DUX4: variants seen among roughly 807,000 people sequenced by gnomAD.
The protein encoded by DUX4 is double homeobox 4, also known as double homeobox protein 4.
chr4:190,177,163 A>ATAAATGTTACATCACCTGG (rs1742346232), downstream of DUX4, among the ~76,000 whole-genome samples: 13 of 113,630 alleles, frequency 1.1e-4, no homozygotes, highest in Non-Finnish European at 1.2e-4. Context: ...CATCACCTAG[A>ATAAATGTTACATCACCTGG]TGATCTGTGC....
downstream of DUX4, among the ~76,000 whole-genome samples, chr4:190,176,312 C>G (rs1213936558): frequency 2.6e-5 from 3 of 114,790 alleles, 1 homozygote; most frequent in African/African-American, 2.6e-5. Context: ...CCCCTGTAGG[C>G]AGAGCTTAGA....
At chr4:190,179,497 G>GAGAT (rs1742498283), downstream of DUX4, among the ~76,000 whole-genome samples, 26 of 121,076 alleles carry the variant, frequency 2.1e-4, no homozygotes, top group Admixed American at 3.2e-4. Context: ...GATCAGTGCA[G>GAGAT]AGATATGTCA....
chr4:190,176,127 C>T (rs1742293181), downstream of DUX4, among the ~76,000 whole-genome samples: 1 of 112,392 alleles, frequency 8.9e-6, no homozygotes, highest in African/African-American at 2.6e-5. Flanking sequence ...GCAAGTGTTC[C>T]CTCCCTGGGC....
At chr4:190,178,887 C>CTCACAATGG (rs1742460552), downstream of DUX4, among the ~76,000 whole-genome samples, 1 of 67,352 alleles carries the variant, frequency 1.5e-5, no homozygotes, top group Non-Finnish European at 2.9e-5. Flanking sequence ...CAGTGCAGAT[C>CTCACAATGG]TATGTCACAA....
At chr4:190,177,536 C>CT (rs1742373278), downstream of DUX4, among the ~76,000 whole-genome samples, 2 of 140,644 alleles carry the variant, frequency 1.4e-5, no homozygotes, top group Non-Finnish European at 3.1e-5. Context: ...CACAATTCCC[C>CT]TTTAGGCACA....
downstream of DUX4, among the ~76,000 whole-genome samples, chr4:190,177,704 C>A (rs1579833183): frequency 1.1e-4 from 17 of 150,920 alleles, no homozygotes; most frequent in South Asian, 2.1e-4. Flanking sequence ...GTTACATCAC[C>A]TGCGTGATCA....
chr4:190,178,014 C>CCATAAGCAGATCCCAGAAAGAGT (rs1579833628), downstream of DUX4, among the ~76,000 whole-genome samples: 11 of 147,902 alleles, frequency 7.4e-5, no homozygotes, highest in East Asian at 2.0e-4. Flanking sequence ...ACAATGCCCC[C>CCATAAGCAGATCCCAGAAAGAGT]TGTAAGCAGA....
chr4:190,181,658 T>C (rs1742589151), intron 1 of DUX4, among the ~76,000 whole-genome samples: 58 of 129,464 alleles, frequency 4.5e-4, no homozygotes, highest in South Asian at 7.6e-4. Flanking sequence ...TAGACAAGAG[T>C]CCCATCACCT....
At chr4:190,181,270 G>A (rs1553983611) in intron 1 of DUX4, among the ~76,000 whole-genome samples, 5,306 of 93,188 alleles carry the variant, frequency 0.057, 1 homozygote, top group Middle Eastern at 0.075. Context: ...GGTGATCAGT[G>A]CAGAAATATG....
At chr4:190,179,064 CCA>C (rs1742475848), downstream of DUX4, among the ~76,000 whole-genome samples, 9 of 15,644 alleles carry the variant, frequency 5.8e-4, no homozygotes, top group African/African-American at 1.6e-3. Flanking sequence ...GAAAAGAGTC[CCA>C]TTACTTGGGT....
At chr4:190,182,320 G>T (rs1262283860) in intron 1 of DUX4, 2 of 108,194 alleles carry the variant, frequency 1.8e-5, no homozygotes, top group African/African-American at 5.3e-5. Flanking sequence ...TTAGGCTTAG[G>T]GTAAGGCTTA....
chr4:190,178,178 C>T (rs1742407477), downstream of DUX4, among the ~76,000 whole-genome samples: 5 of 151,866 alleles, frequency 3.3e-5, no homozygotes, highest in South Asian at 2.1e-4. Flanking sequence ...AAAAGAGTTA[C>T]ATTACCTGGG....
intron 1 of DUX4, among the ~76,000 whole-genome samples, chr4:190,181,170 TTAGACTAGA>T (rs1742549674): frequency 1.2e-5 from 1 of 85,984 alleles, no homozygotes; most frequent in Non-Finnish European, 2.4e-5. Flanking sequence ...TAGGCAGAGC[TTAGACTAGA>T]GTTACATCAC....
At chr4:190,179,468 AGAGTTATAT>A (rs1742495824), downstream of DUX4, among the ~76,000 whole-genome samples, 5 of 149,412 alleles carry the variant, frequency 3.3e-5, no homozygotes, top group South Asian at 2.1e-4. Flanking sequence ...ATCCTAGAGA[AGAGTTATAT>A]CACCTGGGTG....
At chr4:190,181,540 C>T (rs1742580340) in intron 1 of DUX4, among the ~76,000 whole-genome samples, 23 of 127,510 alleles carry the variant, frequency 1.8e-4, no homozygotes, top group Non-Finnish European at 2.8e-4. Context: ...CCTCGGTGAT[C>T]AATGCAGCGA....
At chr4:190,176,517 A>G (rs1316154542), downstream of DUX4, among the ~76,000 whole-genome samples, 54 of 104,758 alleles carry the variant, frequency 5.2e-4, 17 homozygotes, top group Non-Finnish European at 1.1e-3. Flanking sequence ...CCGTGTAGGC[A>G]GAGCCTAGAC....
downstream of DUX4, among the ~76,000 whole-genome samples, chr4:190,176,585 C>T (rs1426946918): frequency 1.7e-5 from 2 of 117,588 alleles, no homozygotes; most frequent in African/African-American, 5.1e-5. Context: ...CTCCTGTAGG[C>T]AGAACGTAGA....
downstream of DUX4, among the ~76,000 whole-genome samples, chr4:190,179,611 A>G (rs1579835776): frequency 2.0e-5 from 3 of 152,046 alleles, no homozygotes; most frequent in African/African-American, 2.4e-5. Flanking sequence ...CAAAAGTTAC[A>G]GCACCTGGGA....
chr4:190,183,288 T>C (rs1424278456), intron 1 of DUX4: 1 of 109,236 alleles, frequency 9.2e-6, no homozygotes, highest in Non-Finnish European at 2.1e-5. Context: ...TGTGGACAGT[T>C]TCTCCTCATG....
Sources: gnomAD v4.1 joint callset for allele counts (sites outside exome capture counted in the v4.1 genomes callset) on GRCh38, gnomAD v4.1.1 for gene constraint, MANE v1.5 for transcripts, NCBI Gene and HGNC (gene_info 2026-07-23, HGNC 2026-07-21) for gene names.